Variants in ARRDC2 observed in about 807,000 individuals in gnomAD.
ARRDC2 encodes arrestin domain containing 2.
A neutral mutation model predicts 38.9 loss-of-function variants in ARRDC2; 39 were observed. The observed-to-expected ratio is 1.00, with a 90% CI of 0.78 to 1.31. ARRDC2 has a LOEUF of 1.31. ARRDC2 is among the 50% of genes most tolerant of loss of function. The pLI, the probability that ARRDC2 is intolerant of heterozygous loss-of-function variation, is 0.00. For synonymous variants in ARRDC2, 300 were observed against 261.9 expected (o/e 1.15, Z -1.41); for missense variants, 553 against 588.4 (o/e 0.94, Z 0.62).
At chr19:18,007,460 G>A (rs1274158083), upstream of ARRDC2, 1 of 152,336 alleles carries the variant, frequency 6.6e-6, no homozygotes, top group Non-Finnish European at 1.5e-5. Flanking sequence ...GCGACCGAGT[G>A]ACGGTATGTC....
chr19:18,012,871 T>A, intron 7 of ARRDC2, 42 bp from the exon 8 acceptor site: 1 of 1,593,898 alleles, frequency 6.3e-7, no homozygotes, highest in Non-Finnish European at 8.6e-7. Flanking sequence ...TGAATTTCTG[T>A]TTCCAGTGTT....
rs1456144590 is a variant in ARRDC2 at position 18,009,769 on chromosome 19, G to A, written c.593-14G>A. The A allele has an allele frequency of 6.2e-7, 1 of 1,612,904 alleles. No homozygotes were observed. The highest frequency in any genetic ancestry group is 1.3e-5 in the African/African-American group (1 of 74,928). On this transcript the variant is annotated splice_polypyrimidine_tract_variant and intron_variant, in intron 4 of 7. Coordinates refer to ENST00000222250, the MANE Select transcript of ARRDC2 (RefSeq NM_015683.2). ...CAGGAGGGGAAACTGAGGCCCCACT[G>A]CTCCTTGCTGCAGGAGAGGTCATCC...
upstream of ARRDC2, chr19:18,007,413 T>G (rs8106028): frequency 0.29 from 44,022 of 152,128 alleles, 7,196 homozygotes; most frequent in African/African-American, 0.45. Flanking sequence ...GGGAACATCA[T>G]TTCGTAGGTA....
chr19:18,008,115 G>GGGGGCCCCC, upstream of ARRDC2: 1 of 810,032 alleles, frequency 1.2e-6, no homozygotes, highest in Non-Finnish European at 1.7e-6. Context: ...AAGAGACGGT[G>GGGGGCCCCC]ACCCCACCCC....
rs766606529 is a variant in ARRDC2 at position 18,009,129 on chromosome 19, AC to A, written c.489+14del. 1.9e-6 allele frequency: 3 copies of A among 1,612,826 alleles called. No homozygotes were observed. The highest frequency in any genetic ancestry group is 2.2e-5 in the South Asian group (2 of 91,036). ...ACGCCAGCCCTGCTGGTGAGTGGCC[AC>A]CCTTGGGGAGGTAGGTTGGGAGTAT... On this transcript the variant is annotated intron_variant, in intron 3 of 7. Coordinates refer to ENST00000222250, the MANE Select transcript of ARRDC2 (RefSeq NM_015683.2).
At chr19:18,010,379 C>T (rs1307405871) in intron 6 of ARRDC2, 21 bp downstream of exon 6, 2 of 1,601,264 alleles carry the variant, frequency 1.2e-6, no homozygotes, top group African/African-American at 1.3e-5. Flanking sequence ...ACCCTGCTTG[C>T]ATGCAGAGGG....
At chr19:18,005,443 C>G (rs531921573), upstream of ARRDC2, among the ~76,000 whole-genome samples, 7 of 152,278 alleles carry the variant, frequency 4.6e-5, no homozygotes, top group Non-Finnish European at 8.8e-5. Context: ...CCCCACCTTT[C>G]CCCCCTTTCT....
In ARRDC2 at chr19:18,009,926, G is replaced by T; in HGVS notation, c.736G>T (p.Glu246Ter). The T allele has an allele frequency of 6.2e-7, 1 of 1,606,380 alleles. No individual in the cohort carries two copies. Residue 246 changes from glutamate (E) to a stop codon, truncating the protein, a stop_gained, in exon 5 of 8, where the codon GAG (glutamate) becomes TAG (stop). Coordinates refer to ENST00000222250, the MANE Select transcript of ARRDC2 (RefSeq NM_015683.2). LOFTEE classifies it high-confidence loss of function. ...GGCAGTGGTGGCCAGCCTCGCGGGC[G>T]AGCCGGTGGGCCCCGGGCAGCGGGC... ...KRAVVASLAG[E>*]PVGPGQRALW...
rs184883492 is a variant in ARRDC2, at chr19:18,008,944, C to T, written c.342-27C>T. On this transcript the variant is annotated intron_variant, in intron 2 of 7. Coordinates refer to ENST00000222250, the MANE Select transcript of ARRDC2 (RefSeq NM_015683.2). ...TGCCTGCTTGTCTCTGTATCTTGTC[C>T]CCTGAAGTCCCGTCCCTCCACCCTA... 71 of 1,611,850 alleles carry T rather than the reference C, an allele frequency of 4.4e-5. No individual in the cohort carries two copies. The East Asian group carries it at 1.1e-3, about 25-fold the overall frequency.
upstream of ARRDC2, chr19:18,008,115 G>GTGC: frequency 2.5e-6 from 2 of 810,032 alleles, no homozygotes; most frequent in Non-Finnish European, 3.4e-6. Flanking sequence ...AAGAGACGGT[G>GTGC]ACCCCACCCC....
intron 3 of ARRDC2, 64 bp from the exon 4 acceptor site, chr19:18,009,528 G>C: frequency 6.9e-7 from 1 of 1,442,592 alleles, no homozygotes; most frequent in Non-Finnish European, 9.5e-7. Flanking sequence ...TGGTTTGGAA[G>C]CTCCACAGCG....
chr19:18,005,660 G>A (rs866097084), upstream of ARRDC2, among the ~76,000 whole-genome samples: 680 of 149,312 alleles, frequency 4.6e-3, 9 homozygotes, highest in African/African-American at 0.016. Context: ...GCGGCTGGCC[G>A]GGCAGGGGGC....
At chr19:18,008,878 C>A in intron 2 of ARRDC2, 93 bp from the exon 3 acceptor site, 1 of 1,594,882 alleles carries the variant, frequency 6.3e-7, no homozygotes, top group South Asian at 1.1e-5. Context: ...CCAAGACTCT[C>A]CCCCTGGGAG....
In ARRDC2 at chr19:18,012,893, A is replaced by G; in HGVS notation, c.1171-20A>G. 6.2e-7 allele frequency: 1 copy of G among 1,611,296 alleles called. No individual in the cohort carries two copies. The highest frequency in any genetic ancestry group is 8.5e-7 in the Non-Finnish European group (1 of 1,177,856). On this transcript the variant is annotated intron_variant, in intron 7 of 7. Transcript: ENST00000222250. ...CTGTTTCCAGTGTTCTCTGAGGCTT[A>G]ATGGGAACATTTCTCTTAGGAGGAT...
upstream of ARRDC2, among the ~76,000 whole-genome samples, chr19:18,004,240 GCTAA>G (rs2033230835): frequency 7.1e-6 from 1 of 141,636 alleles, no homozygotes; most frequent in South Asian, 2.2e-4. Flanking sequence ...AATTAGCCGG[GCTAA>G]CTTTTTTTTT....
chr19:18,006,491 C>T (rs901033313), upstream of ARRDC2, among the ~76,000 whole-genome samples: 2 of 152,166 alleles, frequency 1.3e-5, no homozygotes, highest in African/African-American at 2.4e-5. Context: ...TGGCGGCGCG[C>T]GCCTGCAATC....
chr19:18,008,702 T>C lies in ARRDC2; in HGVS notation c.275-9T>C, dbSNP rs1811612294. ...CCGCTCAGTCGCCTCCTTTTTCTCCTACCTGCAGATACCGGGGAGACCACG... is the reference window on the plus strand; with the variant it reads ...CCGCTCAGTCGCCTCCTTTTTCTCCCACCTGCAGATACCGGGGAGACCACG... On this transcript the variant is annotated splice_polypyrimidine_tract_variant and intron_variant, in intron 1 of 7. Coordinates refer to ENST00000222250, the MANE Select transcript of ARRDC2 (RefSeq NM_015683.2). The C allele has an allele frequency of 6.2e-7, 1 of 1,612,776 alleles. No individual in the cohort carries two copies. Among genetic ancestry groups the C allele is most frequent in the African/African-American group, 1.3e-5 (1 of 74,894 alleles).
In ARRDC2 at chr19:18,009,628, T is replaced by A; in HGVS notation, c.526T>A (p.Ser176Thr). The A allele has an allele frequency of 6.2e-7, 1 of 1,610,318 alleles. No homozygotes were observed. The highest frequency in any genetic ancestry group is 1.1e-5 in the South Asian group (1 of 90,972). The change falls in exon 4 of 8, where the codon TCC becomes ACC. Residue 176 changes from serine (S) to threonine (T), a missense_variant. Physicochemically the swap from Ser to Thr is moderately conservative, Grantham distance 58. Coordinates refer to ENST00000222250, the MANE Select transcript of ARRDC2 (RefSeq NM_015683.2). ...QAGAREKVAR[S>T]WYCNRGLVSL... ...GGGGGCTCGGGAAAAGGTTGCCCGA[T>A]CCTGGTACTGTAACCGTGGCCTAGT...
rs141814820 is a variant in ARRDC2, at chr19:18,010,271, C to G, written c.925C>G (p.Pro309Ala). 6.2e-7 allele frequency: 1 copy of G among 1,613,862 alleles called. No individual in the cohort carries two copies. The highest frequency in any genetic ancestry group is 1.1e-5 in the South Asian group (1 of 91,082). Residue 309 changes from proline (P) to alanine (A), a missense_variant, in exon 6 of 8, where the codon CCT (proline) becomes GCT (alanine). This residue lies in a region of ARRDC2 where 447 missense variants were observed against 456.6 expected (regional missense o/e 0.98). Coordinates refer to ENST00000222250, the MANE Select transcript of ARRDC2 (RefSeq NM_015683.2). Reference sequence around the variant, plus strand: ...GGTGATCGGCACCATTCCCTTGCACCCTTTTGGCAGCCGTTCCTCCAGCGT... The same window carrying G: ...GGTGATCGGCACCATTCCCTTGCACGCTTTTGGCAGCCGTTCCTCCAGCGT... ...PLVIGTIPLH[P>A]FGSRSSSVGS...
Sources: allele counts gnomAD v4.1 joint callset (sites outside exome capture counted in the v4.1 genomes callset), GRCh38; gene constraint gnomAD v4.1.1; regional missense constraint gnomAD v4.1.1; transcripts MANE v1.5; gene names NCBI Gene and HGNC (gene_info 2026-07-23, HGNC 2026-07-21).